The following MACROD1 variants were observed in gnomAD, a reference collection of about 807,000 sequenced individuals.
MACROD1 encodes the protein mono-ADP ribosylhydrolase 1.
A neutral mutation model predicts 41.4 loss-of-function variants in MACROD1; 31 were observed. The ratio of observed to expected loss-of-function variants is 0.75; its 90% CI spans 0.56 to 1.01. The LOEUF is 1.01. Among genes scored for constraint, MACROD1 ranks in the 50% least tolerant of loss-of-function variants. The pLI, the probability that MACROD1 is intolerant of heterozygous loss-of-function variation, is 0.00. For synonymous variants in MACROD1, 252 were observed against 203.4 expected (o/e 1.24, Z -2.03); for missense variants, 473 against 460.0 (o/e 1.03, Z -0.26).
chr11:64,101,489 C>T (rs942318331), intron 3 of MACROD1, among the ~76,000 whole-genome samples: 3 of 152,140 alleles, frequency 2.0e-5, no homozygotes, highest in African/African-American at 4.8e-5. Context: ...TCCCAGGACA[C>T]GGCAATCATC....
At chr11:64,035,844 G>GCCT (rs1353235250) in intron 3 of MACROD1, 3 of 145,720 alleles carry the variant, frequency 2.1e-5, no homozygotes, top group African/African-American at 7.5e-5. Context: ...CGCCGCCGCC[G>GCCT]CTCGCGCGGG....
chr11:64,157,155 C>T (rs369108483), intron 1 of MACROD1, among the ~76,000 whole-genome samples: 4 of 152,178 alleles, frequency 2.6e-5, no homozygotes, highest in Non-Finnish European at 5.9e-5. Context: ...TGCAGTGGCA[C>T]GATCTCGGCT....
chr11:64,137,037 C>T (rs755042121), intron 3 of MACROD1, among the ~76,000 whole-genome samples: 1 of 152,218 alleles, frequency 6.6e-6, no homozygotes, highest in Non-Finnish European at 1.5e-5. Flanking sequence ...AATCTCCAGG[C>T]CGCTTTTCTC....
chr11:64,116,550 A>C, intron 3 of MACROD1: 1 of 1,613,956 alleles, frequency 6.2e-7, no homozygotes, highest in Non-Finnish European at 8.5e-7. Context: ...CCAGATCAAC[A>C]ACGCCGGCAT....
chr11:64,114,692 T>C (rs1944943152), intron 3 of MACROD1, among the ~76,000 whole-genome samples: 1 of 151,558 alleles, frequency 6.6e-6, no homozygotes, highest in Non-Finnish European at 1.5e-5. Context: ...GACAGGTAGA[T>C]GCATGGACTG....
intron 3 of MACROD1, among the ~76,000 whole-genome samples, chr11:64,106,085 G>A (rs1944758188): frequency 6.6e-6 from 1 of 152,172 alleles, no homozygotes; most frequent in Non-Finnish European, 1.5e-5. Context: ...CAGTGGGGGT[G>A]AGGAGGGATG....
At chr11:64,008,024 C>T (rs1942941785) in intron 4 of MACROD1, among the ~76,000 whole-genome samples, 1 of 152,234 alleles carries the variant, frequency 6.6e-6, no homozygotes. Flanking sequence ...GGATTAGCAG[C>T]GGCCGGGCGA....
At chr11:64,136,705 G>A (rs1332396059) in intron 3 of MACROD1, among the ~76,000 whole-genome samples, 1 of 152,236 alleles carries the variant, frequency 6.6e-6, no homozygotes, top group Non-Finnish European at 1.5e-5. Context: ...GCTTCCAGGA[G>A]CCCCAGGCCC....
chr11:63,999,214 G>A (rs1942772358), intron 8 of MACROD1, 117 bp downstream of exon 8: 2 of 1,404,152 alleles, frequency 1.4e-6, no homozygotes, highest in African/African-American at 2.8e-5. Context: ...AGGAGAAACA[G>A]GGAAGGAAGG....
chr11:64,007,144 G>A (rs1486173395), intron 4 of MACROD1, among the ~76,000 whole-genome samples: 4 of 152,156 alleles, frequency 2.6e-5, no homozygotes, highest in Non-Finnish European at 5.9e-5. Context: ...TGCCTCCCGC[G>A]CCCCTCCTAC....
intron 4 of MACROD1, among the ~76,000 whole-genome samples, chr11:64,013,749 T>TC (rs1181301209): frequency 6.6e-6 from 1 of 152,122 alleles, no homozygotes. Context: ...ATCTCCCATC[T>TC]CCCCACCTCT....
chr11:64,094,721 C>T (rs953793064), intron 3 of MACROD1, among the ~76,000 whole-genome samples: 1 of 152,184 alleles, frequency 6.6e-6, no homozygotes, highest in African/African-American at 2.4e-5. Context: ...CCACAGAGGC[C>T]AGAGGCCTCT....
chr11:64,121,689 AC>A (rs917400150), intron 3 of MACROD1, among the ~76,000 whole-genome samples: 17 of 152,072 alleles, frequency 1.1e-4, no homozygotes, highest in African/African-American at 4.1e-4. Flanking sequence ...TGGGATGCCA[AC>A]CCCAGCCTGT....
At chr11:64,117,113 C>A in intron 3 of MACROD1, 1 of 1,608,796 alleles carries the variant, frequency 6.2e-7, no homozygotes, top group Non-Finnish European at 8.5e-7. Flanking sequence ...ACAATGCCAT[C>A]AGCCACATCC....
intron 3 of MACROD1, among the ~76,000 whole-genome samples, chr11:64,078,425 G>A (rs536334070): frequency 1.2e-4 from 19 of 152,348 alleles, no homozygotes; most frequent in African/African-American, 4.1e-4. Context: ...CAGCTGCACC[G>A]AAACATGGCC....
chr11:64,165,715 C>A lies in MACROD1; in HGVS notation c.280G>T (p.Asp94Tyr). Reference sequence around the variant, plus strand: ...CACTTACATTTCGCCTCCTTCCAGTCGGTGGAGGTGCTCAGGTCCACCTTC... The same window carrying A: ...CACTTACATTTCGCCTCCTTCCAGTAGGTGGAGGTGCTCAGGTCCACCTTC... ...AAKVDLSTST[D>Y]WKEAKSFLKG... The change falls in exon 1 of 11, where the codon GAC (aspartate) becomes TAC (tyrosine). Residue 94 changes from aspartate (D) to tyrosine (Y), a missense_variant. Asp to Tyr is a radical substitution (Grantham distance 160). Transcript: ENST00000255681. 1 of 1,470,336 alleles carries A rather than the reference C, an allele frequency of 6.8e-7. No individual in the cohort carries two copies. 91.1% of individuals were successfully genotyped at this position (1,470,336 alleles called of 1,614,324 possible).
Position 64,054,427 on chromosome 11 carries a change from A to G in MACROD1, c.518-39146T>C, listed in dbSNP as rs530058227. 1.8e-4 allele frequency among the ~76,000 whole-genome samples: 28 copies of G among 152,252 alleles called. 1 individual carries two copies. In the South Asian group the frequency reaches 3.9e-3, roughly 21 times the overall value. ...TGAGCTCTTCTGCAAACACCGCACT[A>G]TAAATCCAGGGTGTTTCCAGTAAAT... On this transcript the variant is annotated intron_variant, in intron 3 of 10. Coordinates refer to ENST00000255681, the MANE Select transcript of MACROD1 (RefSeq NM_014067.4).
At chr11:64,029,262 A>G (rs935945185) in intron 3 of MACROD1, among the ~76,000 whole-genome samples, 3 of 152,146 alleles carry the variant, frequency 2.0e-5, no homozygotes. Flanking sequence ...GCCATAAAGC[A>G]GCTCACACGG....
Position 63,999,544 on chromosome 11 carries a change from G to A in MACROD1, c.803C>T (p.Ser268Phe). ...TCCAGACTCACCAAACACGCCGGTG[G>A]AGATGCAGGGGAACGCCTGGGCGGG... The part of the protein sequence containing the change: ...RLRSVAFPCI[S>F]TGVFGYPCEA... Residue 268 changes from serine to phenylalanine, a missense_variant, in exon 7 of 11, where the codon TCC becomes TTC. Ser to Phe is a radical substitution (Grantham distance 155). Coordinates refer to ENST00000255681, the MANE Select transcript of MACROD1 (RefSeq NM_014067.4). 1 of 1,609,832 alleles carries A rather than the reference G, an allele frequency of 6.2e-7. No homozygotes were observed. Among genetic ancestry groups the A allele is most frequent in the Non-Finnish European group, 8.5e-7 (1 of 1,178,650 alleles).
Sources: gnomAD v4.1 joint callset for allele counts (sites outside exome capture counted in the v4.1 genomes callset) on GRCh38, gnomAD v4.1.1 for gene constraint, MANE v1.5 for transcripts, NCBI Gene and HGNC (gene_info 2026-07-23, HGNC 2026-07-21) for gene names.